Variants in GRAMD1C observed in about 807,000 individuals in gnomAD.
GRAMD1C encodes GRAM domain containing 1C, also known as protein Aster-C.
Under a neutral mutation model 97.8 loss-of-function variants are expected in GRAMD1C, and 89 were observed. That is an observed-to-expected ratio of 0.91 (90% CI 0.77 to 1.09). The LOEUF is 1.09. GRAMD1C is among the 50% of genes least tolerant of loss of function. The pLI, the probability that GRAMD1C is intolerant of heterozygous loss-of-function variation, is 0.00. For synonymous variants in GRAMD1C, 256 were observed against 267.0 expected (o/e 0.96, Z 0.40); for missense variants, 740 against 766.4 (o/e 0.97, Z 0.41).
intron 2 of GRAMD1C, among the ~76,000 whole-genome samples, chr3:113,856,543 G>T (rs140723860): frequency 0.015 from 2,281 of 151,806 alleles, 47 homozygotes; most frequent in African/African-American, 0.05. Flanking sequence ...ATGTATGTAT[G>T]TATTTATTTA....
chr3:113,906,283 A>T (rs936017959), intron 8 of GRAMD1C, among the ~76,000 whole-genome samples: 1 of 152,182 alleles, frequency 6.6e-6, no homozygotes, highest in African/African-American at 2.4e-5. Context: ...TTCCAGAAGA[A>T]AATATTGTTA....
At chr3:113,914,389 T>A (rs1936724244) in intron 9 of GRAMD1C, among the ~76,000 whole-genome samples, 1 of 152,178 alleles carries the variant, frequency 6.6e-6, no homozygotes, top group Non-Finnish European at 1.5e-5. Context: ...AATCATCCAA[T>A]GAGGGATAAA....
chr3:113,863,631 A>G (rs996058452), intron 2 of GRAMD1C, among the ~76,000 whole-genome samples: 2 of 146,676 alleles, frequency 1.4e-5, no homozygotes, highest in African/African-American at 4.8e-5. Context: ...TATGTGAATT[A>G]TATCTCAATT....
rs1937688931 is a variant in GRAMD1C, at chr3:113,939,949, T to C, written c.1755T>C (p.Ala585=). The change falls in exon 16 of 18, where the codon GCT becomes GCC. Residue 585 remains alanine, a synonymous_variant. Transcript: ENST00000358160. The stretch of plus-strand genomic sequence containing the variant: ...TGAAGCTGTCAAAGATAGAACATGC[T>C]GCTCAGTCCTTTTACCGTCTCCGCC... ...LFLKLSKIEH[A]AQSFYRLRLQ... is the part of the protein sequence containing the mutation. The C allele has an allele frequency of 2.5e-6, 4 of 1,610,558 alleles. No individual in the cohort carries two copies. Among genetic ancestry groups the C allele is most frequent in the Admixed American group, 3.3e-5 (2 of 60,006 alleles).
intron 1 of GRAMD1C, among the ~76,000 whole-genome samples, chr3:113,843,055 T>G (rs1424206918): frequency 1.4e-5 from 2 of 140,258 alleles, no homozygotes; most frequent in Non-Finnish European, 3.1e-5. Flanking sequence ...AGCTGTTTTT[T>G]TTTTTTTTTT....
At chr3:113,893,407 A>G (rs1387688226) in intron 6 of GRAMD1C, among the ~76,000 whole-genome samples, 1 of 151,964 alleles carries the variant, frequency 6.6e-6, no homozygotes, top group Middle Eastern at 3.2e-3. Flanking sequence ...AAGTCTTCAA[A>G]TATTCTTTCT....
intron 11 of GRAMD1C, among the ~76,000 whole-genome samples, chr3:113,932,106 G>A (rs1232043270): frequency 2.0e-5 from 3 of 152,178 alleles, no homozygotes; most frequent in Non-Finnish European, 4.4e-5. Context: ...TCTGTGACCA[G>A]AGTGGCAGTG....
intron 6 of GRAMD1C, among the ~76,000 whole-genome samples, chr3:113,888,669 A>C (rs575841133): frequency 1.1e-4 from 16 of 152,232 alleles, no homozygotes; most frequent in Non-Finnish European, 1.5e-4. Flanking sequence ...AGCTGAAAAA[A>C]AATTTTTTAA....
chr3:113,851,027 C>G (rs888750087), intron 2 of GRAMD1C, among the ~76,000 whole-genome samples: 1 of 152,146 alleles, frequency 6.6e-6, no homozygotes, highest in African/African-American at 2.4e-5. Flanking sequence ...TGGTCTTGAT[C>G]TCCTGACCTC....
intron 1 of GRAMD1C, among the ~76,000 whole-genome samples, chr3:113,841,281 C>CTTTTT (rs1269088707): frequency 1.1e-4 from 2 of 17,540 alleles, no homozygotes; most frequent in Non-Finnish European, 1.6e-4. Flanking sequence ...TTCTTTCTTT[C>CTTTTT]TTTCTTTTTT....
chr3:113,856,680 C>T (rs896992879), intron 2 of GRAMD1C, among the ~76,000 whole-genome samples: 1 of 152,096 alleles, frequency 6.6e-6, no homozygotes, highest in Non-Finnish European at 1.5e-5. Flanking sequence ...GCTGGGATTA[C>T]AGGCGCGTGC....
Position 113,844,630 on chromosome 3 carries a change from G to GC in GRAMD1C, c.155_156insC (p.Gly53TrpfsTer2). 1 of 1,594,284 alleles carries GC rather than the reference G, an allele frequency of 6.3e-7. No homozygotes were observed. The highest frequency in any genetic ancestry group is 8.5e-7 in the Non-Finnish European group (1 of 1,172,322). On this transcript the variant is annotated frameshift_variant, in exon 2 of 18. Transcript: ENST00000358160. LOFTEE classifies it high-confidence loss of function. ...CAGGGGCCAAATTTACATAATTGGAGTGGTGACTGGAGCTTTTGGGTAATT... is the reference window on the plus strand; with the variant it reads ...CAGGGGCCAAATTTACATAATTGGAGCTGGTGACTGGAGCTTTTGGGTAATT...
chr3:113,900,917 A>G (rs1334014056), intron 6 of GRAMD1C, 114 bp from the exon 7 acceptor site: 3 of 570,440 alleles, frequency 5.3e-6, no homozygotes, highest in Non-Finnish European at 9.5e-6. Flanking sequence ...CCAAAGCCCC[A>G]TATCTAGTCT....
chr3:113,832,833 G>A (rs1326739615), intron 1 of GRAMD1C, among the ~76,000 whole-genome samples: 1 of 152,134 alleles, frequency 6.6e-6, no homozygotes, highest in African/African-American at 2.4e-5. Context: ...TTCTGTGTGT[G>A]CTGGGTATGC....
Position 113,851,993 on chromosome 3 carries a change from C to T in GRAMD1C, c.174+7344C>T, listed in dbSNP as rs141299053. Reference sequence around the variant, plus strand: ...AAGCGATTCTCGTGCCTCAGCCTCCCGGGTAGCTGGGATGAGAGGTGCGTA... The same window carrying T: ...AAGCGATTCTCGTGCCTCAGCCTCCTGGGTAGCTGGGATGAGAGGTGCGTA... On this transcript the variant is annotated intron_variant, in intron 2 of 17. Transcript: ENST00000358160. 6.2e-3 allele frequency among the ~76,000 whole-genome samples: 944 copies of T among 152,178 alleles called. 15 individuals carry two copies. The highest frequency in any genetic ancestry group is 0.019 in the African/African-American group (804 of 41,526).
intron 11 of GRAMD1C, among the ~76,000 whole-genome samples, chr3:113,932,711 C>G (rs563428870): frequency 2.0e-5 from 3 of 151,968 alleles, no homozygotes; most frequent in Admixed American, 2.0e-4. Context: ...TCTGTAAGTC[C>G]CTTTCTCTCT....
intron 1 of GRAMD1C, among the ~76,000 whole-genome samples, chr3:113,830,384 T>C (rs551642847): frequency 2.1e-5 from 3 of 140,524 alleles, no homozygotes; most frequent in Non-Finnish European, 4.5e-5. Flanking sequence ...AGCTTGCTTA[T>C]CTATGTTTGC....
At chr3:113,941,534 T>C (rs920683882) in intron 17 of GRAMD1C, among the ~76,000 whole-genome samples, 2 of 152,200 alleles carry the variant, frequency 1.3e-5, no homozygotes, top group African/African-American at 4.8e-5. Context: ...AATTCTTCCA[T>C]TGAGTTTTTC....
intron 2 of GRAMD1C, among the ~76,000 whole-genome samples, chr3:113,861,844 C>T (rs1934389365): frequency 6.6e-6 from 1 of 152,066 alleles, no homozygotes; most frequent in South Asian, 2.1e-4. Context: ...TTTCTATTTT[C>T]CTTAAGTGTC....
Sources: allele counts gnomAD v4.1 joint callset (sites outside exome capture counted in the v4.1 genomes callset), GRCh38; gene constraint gnomAD v4.1.1; transcripts MANE v1.5; gene names NCBI Gene and HGNC (gene_info 2026-07-23, HGNC 2026-07-21).